RABGAP1L: variants seen among roughly 807,000 people sequenced by gnomAD.
RABGAP1L encodes rab GTPase-activating protein 1-like.
Under a neutral mutation model 137.7 loss-of-function variants are expected in RABGAP1L, and 63 were observed. The observed-to-expected ratio is 0.46, with a 90% confidence interval of 0.37 to 0.56. The LOEUF (loss-of-function observed/expected upper bound fraction) is 0.56, where lower values mean the gene tolerates loss of function less well. Ranked by LOEUF, RABGAP1L falls within the 20% of genes least tolerant of loss-of-function variation. The probability of loss-of-function intolerance (pLI) is 0.00; values close to 1 mark genes in which losing one functional copy is unlikely to be tolerated. For missense variants in RABGAP1L, 1,095 were observed against 1,244.0 expected, an observed-to-expected ratio of 0.88 and a Z score of 1.80; for synonymous variants, 431 against 433.7, an observed-to-expected ratio of 0.99 and a Z score of 0.08.
Position 174,524,183 on chromosome 1 carries a change from A to ATTG in RABGAP1L, c.1711-113168_1711-113166dup, listed in dbSNP as rs757046562. Among the ~76,000 whole-genome samples, 205 of 151,810 alleles carry ATTG rather than the reference A, an allele frequency of 1.4e-3. 3 individuals are homozygous for ATTG. Among genetic ancestry groups the ATTG allele is most frequent in the African/African-American group, 4.2e-3 (176 of 41,450 alleles). On this transcript the variant is annotated intron_variant, in intron 13 of 25. Transcript: ENST00000681986. ...GATTGCTGAATCATATGGTAGTTCT[A>ATTG]TTGTTGTTGTTGTTGTTGTTGTTGT... is the stretch of plus-strand genomic sequence containing the variant.
At chr1:174,811,598 T>G (rs1465742293) in intron 18 of RABGAP1L, among the ~76,000 whole-genome samples, 2 of 152,230 alleles carry the variant, frequency 1.3e-5, no homozygotes, top group Non-Finnish European at 2.9e-5. Context: ...GAATTCAGTA[T>G]GTTAGTTTGT....
At chr1:174,430,360 A>G (rs1012898121) in intron 13 of RABGAP1L, among the ~76,000 whole-genome samples, 1 of 151,942 alleles carries the variant, frequency 6.6e-6, no homozygotes, top group Non-Finnish European at 1.5e-5. Context: ...TCTGTCTGAA[A>G]AAAAAAAAAA....
intron 13 of RABGAP1L, among the ~76,000 whole-genome samples, chr1:174,452,869 C>T (rs1655598889): frequency 6.6e-6 from 1 of 152,030 alleles, no homozygotes; most frequent in Non-Finnish European, 1.5e-5. Context: ...CCGGTAGCTG[C>T]TGTTTTGTTA....
chr1:174,816,764 GC>G (rs1690461080), intron 19 of RABGAP1L, among the ~76,000 whole-genome samples: 1 of 124,584 alleles, frequency 8.0e-6, no homozygotes, highest in South Asian at 2.7e-4. Context: ...ATGGAGTCTT[GC>G]TCTGTCACCA....
intron 20 of RABGAP1L, among the ~76,000 whole-genome samples, chr1:174,958,730 A>T (rs957746177): frequency 2.0e-5 from 3 of 152,226 alleles, no homozygotes; most frequent in African/African-American, 7.2e-5. Flanking sequence ...TAGGTTTTGT[A>T]GTCAGACAGA....
intron 13 of RABGAP1L, among the ~76,000 whole-genome samples, chr1:174,407,233 CAGCCTCTT>C (rs1269051265): frequency 6.6e-6 from 1 of 152,012 alleles, no homozygotes; most frequent in Non-Finnish European, 1.5e-5. Flanking sequence ...TTCCATTTTG[CAGCCTCTT>C]ATTTGATTGC....
At chr1:174,377,437 C>G (rs1041604105) in intron 12 of RABGAP1L, among the ~76,000 whole-genome samples, 1 of 152,012 alleles carries the variant, frequency 6.6e-6, no homozygotes, top group Non-Finnish European at 1.5e-5. Context: ...GGCATATTAC[C>G]TGATTTCTAG....
At position 174,529,058 on chromosome 1, in the gene RABGAP1L, GT is replaced by G. The variant is rs140569679; in HGVS notation, c.1711-108311del. 2.0e-4 allele frequency among the ~76,000 whole-genome samples: 30 copies of G among 148,038 alleles called. 1 individual carries two copies. Among genetic ancestry groups the G allele is most frequent in the African/African-American group, 6.5e-4 (26 of 40,284 alleles). The stretch of plus-strand genomic sequence containing the variant: ...TCATTCATGTCCTGAATTATCTTTT[GT>G]TTTTTGTTTTCAGAATTCTCTTATA... On this transcript the variant is annotated intron_variant, in intron 13 of 25. Coordinates refer to ENST00000681986, the MANE Select transcript of RABGAP1L (RefSeq NM_001366446.1).
chr1:174,603,117 ATTGAGTAT>A (rs971733505), intron 13 of RABGAP1L, among the ~76,000 whole-genome samples: 3 of 152,130 alleles, frequency 2.0e-5, no homozygotes, highest in African/African-American at 4.8e-5. Context: ...TTCTGAAGGA[ATTGAGTAT>A]TGTGGCCTAA....
intron 17 of RABGAP1L, among the ~76,000 whole-genome samples, chr1:174,738,583 C>G (rs1343573643): frequency 6.6e-6 from 1 of 152,084 alleles, no homozygotes; most frequent in Non-Finnish European, 1.5e-5. Context: ...GAACTTTTAA[C>G]AAATCTCTTT....
At chr1:174,960,386 AT>A (rs1256389601) in intron 20 of RABGAP1L, among the ~76,000 whole-genome samples, 2 of 152,136 alleles carry the variant, frequency 1.3e-5, no homozygotes, top group Non-Finnish European at 2.9e-5. Flanking sequence ...TTTTATGTCT[AT>A]TTTTATGACA....
chr1:174,746,887 C>T (rs933045884), intron 17 of RABGAP1L, among the ~76,000 whole-genome samples: 2 of 152,126 alleles, frequency 1.3e-5, no homozygotes, highest in African/African-American at 2.4e-5. Context: ...ACAAAATACT[C>T]AGTAGATGTT....
chr1:174,887,892 C>T (rs942509339), intron 19 of RABGAP1L, among the ~76,000 whole-genome samples: 1 of 152,028 alleles, frequency 6.6e-6, no homozygotes, highest in East Asian at 1.9e-4. Flanking sequence ...CAAAAATTAG[C>T]TGGGTGTGGT....
chr1:174,323,660 A>G (rs751478271), intron 11 of RABGAP1L, among the ~76,000 whole-genome samples: 13 of 152,124 alleles, frequency 8.5e-5, no homozygotes. Context: ...CAAGCATGCA[A>G]ATAAACTAGT....
At chr1:174,453,084 C>T (rs1655621032) in intron 13 of RABGAP1L, among the ~76,000 whole-genome samples, 1 of 152,158 alleles carries the variant, frequency 6.6e-6, no homozygotes, top group South Asian at 2.1e-4. Flanking sequence ...TTCATGAAGA[C>T]ATCGTTTGAG....
chr1:174,278,667 A>T lies in RABGAP1L; in HGVS notation c.1211A>T (p.Glu404Val). 1 of 1,613,534 alleles carries T rather than the reference A, an allele frequency of 6.2e-7. No individual in the cohort carries two copies. The highest frequency in any genetic ancestry group is 8.5e-7 in the Non-Finnish European group (1 of 1,179,766). ...GATATGGTAGTCACAGAGGTGGTGG[A>T]GCCTGTTCGCTTTCTCCTGGAGACA... ...AVDMVVTEVV[E>V]PVRFLLETVV... The change falls in exon 10 of 26, where the codon GAG (glutamate) becomes GTG (valine). Residue 404 changes from glutamate to valine, a missense_variant. Glu to Val is a moderately radical substitution (Grantham distance 121). This residue lies in a region of RABGAP1L where 315 missense variants were observed against 324.8 expected (regional missense o/e 0.97). Transcript: ENST00000681986.
intron 19 of RABGAP1L, among the ~76,000 whole-genome samples, chr1:174,936,735 C>T (rs907460644): frequency 1.3e-5 from 2 of 152,108 alleles, no homozygotes; most frequent in Non-Finnish European, 2.9e-5. Flanking sequence ...TAAATATTTG[C>T]TTATGAAAAG....
chr1:174,730,722 C>T (rs1362415631), intron 17 of RABGAP1L, among the ~76,000 whole-genome samples: 1 of 152,094 alleles, frequency 6.6e-6, no homozygotes, highest in African/African-American at 2.4e-5. Context: ...TTAGTTTTAG[C>T]CAGAGAGTCA....
At chr1:174,320,705 T>C (rs1679881245) in intron 11 of RABGAP1L, among the ~76,000 whole-genome samples, 1 of 152,186 alleles carries the variant, frequency 6.6e-6, no homozygotes, top group African/African-American at 2.4e-5. Flanking sequence ...ATTTATCACT[T>C]CCCCAGTCAA....
Sources: gnomAD v4.1 joint callset for allele counts (sites outside exome capture counted in the v4.1 genomes callset) on GRCh38, gnomAD v4.1.1 for gene constraint, gnomAD v4.1.1 regional missense constraint, MANE v1.5 for transcripts, NCBI Gene and HGNC (gene_info 2026-07-23, HGNC 2026-07-21) for gene names.